The following COG5 variants were observed in gnomAD, a reference collection of about 807,000 sequenced individuals.
COG5 encodes component of oligomeric golgi complex 5, also known as conserved oligomeric Golgi complex subunit 5.
A neutral mutation model predicts 110.4 loss-of-function variants in COG5; 86 were observed. The ratio of observed to expected loss-of-function variants is 0.78; its 90% CI spans 0.65 to 0.93. The LOEUF is 0.93. COG5 is among the 40% of genes least tolerant of loss of function. COG5 has a pLI of 0.00. For missense variants in COG5, 1,077 were observed against 987.0 expected (o/e 1.09, Z -1.22); for synonymous variants, 360 against 334.6 (o/e 1.08, Z -0.83).
intron 10 of COG5, among the ~76,000 whole-genome samples, chr7:107,349,769 A>T (rs764995646): frequency 3.9e-4 from 59 of 152,160 alleles, no homozygotes; most frequent in Non-Finnish European, 6.5e-4. Context: ...TGTGTTAGAC[A>T]GGATGGTCTC....
chr7:107,265,785 T>G (rs1584594583), intron 14 of COG5, among the ~76,000 whole-genome samples: 1 of 152,184 alleles, frequency 6.6e-6, no homozygotes, highest in Non-Finnish European at 1.5e-5. Flanking sequence ...CTGGGCATGG[T>G]GGCTCACGCC....
At chr7:107,546,962 A>G (rs1468277634) in intron 5 of COG5, among the ~76,000 whole-genome samples, 2 of 152,170 alleles carry the variant, frequency 1.3e-5, no homozygotes, top group Non-Finnish European at 2.9e-5. Flanking sequence ...AGAAAAACTA[A>G]TACCAATCCT....
intron 8 of COG5, among the ~76,000 whole-genome samples, chr7:107,366,911 G>T (rs572504902): frequency 6.6e-6 from 1 of 152,114 alleles, no homozygotes; most frequent in Admixed American, 6.5e-5. Context: ...GGTGCATTCT[G>T]ACCAACATTC....
intron 6 of COG5, among the ~76,000 whole-genome samples, chr7:107,513,219 C>A (rs1799665508): frequency 6.6e-6 from 1 of 152,114 alleles, no homozygotes; most frequent in Admixed American, 6.5e-5. Flanking sequence ...CAGACAACCC[C>A]ATCAAAAAGT....
chr7:107,359,928 A>G (rs989700085), intron 10 of COG5, among the ~76,000 whole-genome samples: 1 of 152,016 alleles, frequency 6.6e-6, no homozygotes, highest in South Asian at 2.1e-4. Context: ...TGCAGAAGGG[A>G]CCTACCCACT....
At chr7:107,258,410 G>T in intron 14 of COG5, 27 bp from the exon 15 acceptor site, 1 of 1,267,714 alleles carries the variant, frequency 7.9e-7, no homozygotes, top group Non-Finnish European at 1.2e-6. Flanking sequence ...TCAAAAGAAT[G>T]TGTCAGAATG....
chr7:107,507,790 T>C (rs1425397343), intron 6 of COG5, among the ~76,000 whole-genome samples: 1 of 152,176 alleles, frequency 6.6e-6, no homozygotes, highest in East Asian at 1.9e-4. Flanking sequence ...AGAAATATCA[T>C]AGCTACAATA....
intron 6 of COG5, among the ~76,000 whole-genome samples, chr7:107,487,026 A>T (rs1797693735): frequency 6.6e-6 from 1 of 152,194 alleles, no homozygotes. Context: ...GGAGGTGAAT[A>T]TTTTTGTAAT....
At chr7:107,421,949 C>T (rs1793322775) in intron 6 of COG5, among the ~76,000 whole-genome samples, 1 of 151,946 alleles carries the variant, frequency 6.6e-6, no homozygotes, top group Non-Finnish European at 1.5e-5. Flanking sequence ...ATGCAACCAA[C>T]GCAGCAGTTA....
chr7:107,496,437 T>C (rs1352896263), intron 6 of COG5, among the ~76,000 whole-genome samples: 2 of 152,010 alleles, frequency 1.3e-5, no homozygotes, highest in African/African-American at 2.4e-5. Context: ...GGCAGGTAGA[T>C]CACTTGAGGT....
chr7:107,531,695 T>G (rs1263604508), intron 5 of COG5, among the ~76,000 whole-genome samples: 1 of 151,222 alleles, frequency 6.6e-6, no homozygotes, highest in Non-Finnish European at 1.5e-5. Context: ...GATATCATTA[T>G]GAAATTGATT....
chr7:107,511,584 CACA>C lies in COG5; in HGVS notation c.538+15650_538+15652del, dbSNP rs1799517116. On this transcript the variant is annotated intron_variant, in intron 6 of 21. Transcript: ENST00000297135. ...TCCTGATACCAAAGCCTGGCAGAGA[CACA>C]ACAAAAAAAGAGAGTTTTAGACCAA... Among the ~76,000 whole-genome samples the C allele has an allele frequency of 3.9e-5, 6 of 152,176 alleles. No homozygotes were observed. In the South Asian group the frequency reaches 1.2e-3, roughly 32 times the overall value.
rs61088959 is a variant in COG5 at position 107,202,971 on chromosome 7, ATTTTT to A, written c.*540_*544del. 2.8e-5 allele frequency: 4 copies of A among 144,112 alleles called. No individual in the cohort carries two copies. The highest frequency in any genetic ancestry group is 5.2e-5 in the African/African-American group (2 of 38,822). The allele number at this position is 144,112 out of a possible 1,614,324, so 8.9% of individuals were successfully genotyped here. ...GTTGTCTATTGGAATCATTTTGGGG[ATTTTT>A]TTTTTTTTTAATAGTGGTGTCTGTC... On this transcript the variant is annotated 3_prime_UTR_variant, in exon 22 of 22. Transcript: ENST00000297135.
At chr7:107,323,430 C>A (rs758782640) in intron 11 of COG5, among the ~76,000 whole-genome samples, 9 of 152,108 alleles carry the variant, frequency 5.9e-5, no homozygotes, top group Non-Finnish European at 8.8e-5. Context: ...ACTAGGGAGG[C>A]TGAGGCAGGA....
intron 6 of COG5, among the ~76,000 whole-genome samples, chr7:107,459,291 T>C (rs1406977142): frequency 6.6e-6 from 1 of 152,018 alleles, no homozygotes; most frequent in Non-Finnish European, 1.5e-5. Flanking sequence ...AGAATGAACC[T>C]GGAATAGCTT....
chr7:107,266,132 G>A (rs1402400360), intron 14 of COG5, among the ~76,000 whole-genome samples: 2 of 152,144 alleles, frequency 1.3e-5, no homozygotes, highest in Non-Finnish European at 2.9e-5. Flanking sequence ...TATACTTTAT[G>A]TGGAATCCAG....
chr7:107,479,768 T>C (rs561195130), intron 6 of COG5, among the ~76,000 whole-genome samples: 18 of 152,194 alleles, frequency 1.2e-4, no homozygotes, highest in Non-Finnish European at 2.1e-4. Flanking sequence ...TTCTAGTTAT[T>C]AGAAGCTATT....
chr7:107,248,443 A>G lies in COG5; in HGVS notation c.1806T>C (p.Asp602=), dbSNP rs758342940. 1.2e-6 allele frequency: 2 copies of G among 1,612,928 alleles called. No individual in the cohort carries two copies. Among genetic ancestry groups the G allele is most frequent in the Non-Finnish European group, 1.7e-6 (2 of 1,179,512 alleles). The change falls in exon 17 of 22, where the codon GAT becomes GAC. Residue 602 remains aspartate, a synonymous_variant. Coordinates refer to ENST00000297135, the MANE Select transcript of COG5 (RefSeq NM_006348.5). ...TGGTGATGATTATGGCCTCTATAGCATCTCCCACAGAAGTGAGTAAGGGTT... is the reference window on the plus strand; with the variant it reads ...TGGTGATGATTATGGCCTCTATAGCGTCTCCCACAGAAGTGAGTAAGGGTT... ...AVQPLLTSVG[D]AIEAIIITMH...
intron 16 of COG5, among the ~76,000 whole-genome samples, chr7:107,253,483 A>G (rs1172798785): frequency 1.3e-5 from 2 of 152,188 alleles, no homozygotes; most frequent in East Asian, 3.8e-4. Context: ...CCATATATAA[A>G]TTTGGCAATG....
Sources: allele counts gnomAD v4.1 joint callset (sites outside exome capture counted in the v4.1 genomes callset), GRCh38; gene constraint gnomAD v4.1.1; transcripts MANE v1.5; gene names NCBI Gene and HGNC (gene_info 2026-07-23, HGNC 2026-07-21).